The following SLAMF7 variants were observed in gnomAD, a reference collection of about 807,000 sequenced individuals.
The protein encoded by SLAMF7 is 19A24 protein.
A neutral mutation model predicts 34.1 loss-of-function variants in SLAMF7; 26 were observed. That is an observed-to-expected ratio of 0.76 (90% CI 0.56 to 1.06). The LOEUF is 1.06. Ranked by LOEUF, SLAMF7 falls within the 50% of genes least tolerant of loss-of-function variation. The pLI is 0.00. For missense variants in SLAMF7, 399 were observed against 402.5 expected, an observed-to-expected ratio of 0.99 and a Z score of 0.07; for synonymous variants, 171 against 156.4, an observed-to-expected ratio of 1.09 and a Z score of -0.70.
rs1664587748 is a variant in SLAMF7 at position 160,751,556 on chromosome 1, T to C, written c.873+108T>C. ...ATGGGAATGAAGAGGGGAGTGAGGA[T>C]ATATAGACTTAAAACTCAATGCACC... On this transcript the variant is annotated intron_variant, in intron 5 of 6. Coordinates refer to ENST00000368043, the MANE Select transcript of SLAMF7 (RefSeq NM_021181.5). The C allele has an allele frequency of 6.0e-6, 5 of 834,370 alleles. No homozygotes were observed. The Admixed American group carries it at 1.0e-4, about 17-fold the overall frequency. 51.7% of individuals were successfully genotyped at this position (834,370 alleles called of 1,614,324 possible). A position where few individuals can be genotyped will look rare whatever the true frequency, so the allele number is the denominator to read the frequency against.
intron 1 of SLAMF7, among the ~76,000 whole-genome samples, chr1:160,743,626 G>A (rs895819841): frequency 6.6e-6 from 1 of 152,232 alleles, no homozygotes; most frequent in Non-Finnish European, 1.5e-5. Context: ...CAGGTAGAAG[G>A]TTGGCACCTG....
intron 1 of SLAMF7, 115 bp downstream of exon 1, chr1:160,739,471 T>C (rs1663558550): frequency 1.2e-6 from 1 of 845,416 alleles, no homozygotes; most frequent in African/African-American, 1.7e-5. Context: ...TGTTCTCATC[T>C]AACATTTGCT....
At chr1:160,749,597 T>C (rs370033197) in intron 2 of SLAMF7, among the ~76,000 whole-genome samples, 16 of 152,014 alleles carry the variant, frequency 1.1e-4, no homozygotes, top group African/African-American at 3.6e-4. Flanking sequence ...TTATTATTTC[T>C]ATTATTTCTA....
At chr1:160,750,664 C>T (rs1202817468) in intron 4 of SLAMF7, 2 of 400,632 alleles carry the variant, frequency 5.0e-6, no homozygotes, top group Admixed American at 8.5e-5. Context: ...CTTTCCAGGG[C>T]TCACTTCTCT....
At chr1:160,751,715 G>A (rs548542892) in intron 5 of SLAMF7, 14 of 356,002 alleles carry the variant, frequency 3.9e-5, no homozygotes, top group East Asian at 3.7e-4. Context: ...AGTTCATAAC[G>A]GCCACACAAA....
upstream of SLAMF7, chr1:160,739,082 C>A: frequency 1.7e-6 from 1 of 587,842 alleles, no homozygotes. Context: ...TGGGAATATA[C>A]CAAATGCTGA....
intron 1 of SLAMF7, 51 bp downstream of exon 1, chr1:160,739,407 AG>A (rs1487211456): frequency 6.5e-7 from 1 of 1,527,068 alleles, no homozygotes; most frequent in Non-Finnish European, 8.9e-7. Context: ...CATCCTGAAT[AG>A]TTCCAGGTTT....
At chr1:160,739,982 G>A (rs914170139) in intron 1 of SLAMF7, among the ~76,000 whole-genome samples, 1 of 151,992 alleles carries the variant, frequency 6.6e-6, no homozygotes, top group African/African-American at 2.4e-5. Context: ...TATCCTAAGG[G>A]CTCTCAGAAA....
At chr1:160,743,762 C>T (rs1337299558) in intron 1 of SLAMF7, among the ~76,000 whole-genome samples, 1 of 152,204 alleles carries the variant, frequency 6.6e-6, no homozygotes, top group Non-Finnish European at 1.5e-5. Flanking sequence ...GATCACGGCT[C>T]ACTGCAGCCT....
intron 5 of SLAMF7, chr1:160,751,655 G>A: frequency 1.9e-6 from 1 of 513,734 alleles, no homozygotes; most frequent in Non-Finnish European, 3.5e-6. Context: ...ACCTGGTTCT[G>A]ACTCACAATG....
chr1:160,751,249 G>A, intron 4 of SLAMF7, 96 bp from the exon 5 acceptor site: 1 of 856,688 alleles, frequency 1.2e-6, no homozygotes, highest in Non-Finnish European at 1.9e-6. Flanking sequence ...CGGCTGGTTG[G>A]TCACCCTAAG....
chr1:160,748,149 A>G lies in SLAMF7; in HGVS notation c.56-45A>G, dbSNP rs113987599. 156 of 1,582,942 alleles carry G rather than the reference A, an allele frequency of 9.9e-5. No homozygotes were observed. In the African/African-American group the frequency reaches 1.3e-3, roughly 13 times the overall value. On this transcript the variant is annotated intron_variant, in intron 1 of 6. Coordinates refer to ENST00000368043, the MANE Select transcript of SLAMF7 (RefSeq NM_021181.5). Reference sequence around the variant, plus strand: ...CCAAAGGGGGTGAGTAATTGGTGACAAGGACAGGGAATCAGGCTTATTTTA... The same window carrying G: ...CCAAAGGGGGTGAGTAATTGGTGACGAGGACAGGGAATCAGGCTTATTTTA...
intron 1 of SLAMF7, 52 bp downstream of exon 1, chr1:160,739,408 G>C: frequency 6.6e-7 from 1 of 1,523,560 alleles, no homozygotes; most frequent in Non-Finnish European, 9.0e-7. Flanking sequence ...ATCCTGAATA[G>C]TTCCAGGTTT....
chr1:160,750,417 C>A lies in SLAMF7; in HGVS notation c.763C>A (p.Gln255Lys), dbSNP rs768547449. 37 of 1,613,414 alleles carry A rather than the reference C, an allele frequency of 2.3e-5. No homozygotes were observed. The highest frequency in any genetic ancestry group is 3.3e-5 in the South Asian group (3 of 90,996). ...TCTTTGGTTTCTGAAGAGAGAGAGA[C>A]AAGAAGGTAGAGCGTGTACTATTTT... Reference protein sequence around the residue: ...LFLWFLKRERQEEYIEEKKRV... With the variant: ...LFLWFLKRERKEEYIEEKKRV... Residue 255 changes from glutamine to lysine, a missense_variant, in exon 4 of 7, where the codon CAA becomes AAA. Coordinates refer to ENST00000368043, the MANE Select transcript of SLAMF7 (RefSeq NM_021181.5).
intron 1 of SLAMF7, among the ~76,000 whole-genome samples, chr1:160,743,877 C>G (rs753850920): frequency 5.3e-5 from 8 of 152,160 alleles, no homozygotes; most frequent in African/African-American, 1.9e-4. Context: ...TTTGTAAAGA[C>G]AAGGTCTGGC....
intron 6 of SLAMF7, 101 bp downstream of exon 6, chr1:160,752,349 T>C: frequency 1.1e-6 from 1 of 884,740 alleles, no homozygotes; most frequent in Non-Finnish European, 1.8e-6. Context: ...TCATACTCTC[T>C]AGAATTAAAA....
rs746748844 is a variant in SLAMF7 at position 160,750,411 on chromosome 1, G to A, written c.757G>A (p.Glu253Lys). ...LGLFLWFLKRERQEEYIEEKK... is the reference protein window; with the variant it reads ...LGLFLWFLKRKRQEEYIEEKK... ...GCTATTTCTTTGGTTTCTGAAGAGA[G>A]AGAGACAAGAAGGTAGAGCGTGTAC... Residue 253 changes from glutamate (E) to lysine (K), a missense_variant, in exon 4 of 7, where the codon GAG (glutamate) becomes AAG (lysine). Physicochemically the swap from Glu to Lys is moderately conservative, Grantham distance 56 (BLOSUM62 1). Transcript: ENST00000368043. 1 of 1,613,836 alleles carries A rather than the reference G, an allele frequency of 6.2e-7. No individual in the cohort carries two copies. Among genetic ancestry groups the A allele is most frequent in the East Asian group, 2.2e-5 (1 of 44,880 alleles).
chr1:160,739,340 C>A lies in SLAMF7; in HGVS notation c.39C>A (p.Ile13=). 6.2e-7 allele frequency: 1 copy of A among 1,613,728 alleles called. No homozygotes were observed. Among genetic ancestry groups the A allele is most frequent in the South Asian group, 1.1e-5 (1 of 91,044 alleles). ...CAACATGCCTCACCCTCATCTATAT[C>A]CTTTGGCAGCTCACAGGTGAGTCCG... The part of the protein sequence containing the change: ...GSPTCLTLIY[I]LWQLTGSAAS... The change falls in exon 1 of 7, where the codon ATC becomes ATA. Residue 13 remains isoleucine (I), a synonymous_variant. Coordinates refer to ENST00000368043, the MANE Select transcript of SLAMF7 (RefSeq NM_021181.5).
At position 160,748,795 on chromosome 1, in the gene SLAMF7, C is replaced by T. The variant is rs186256344; in HGVS notation, c.376+281C>T. On this transcript the variant is annotated intron_variant, in intron 2 of 6. Coordinates refer to ENST00000368043, the MANE Select transcript of SLAMF7 (RefSeq NM_021181.5). Reference sequence around the variant, plus strand: ...CTTTATTTAGTCACATGACCTTAGCCGAGTTATTTAATTTCTTCAAGTCTT... The same window carrying T: ...CTTTATTTAGTCACATGACCTTAGCTGAGTTATTTAATTTCTTCAAGTCTT... Among the ~76,000 whole-genome samples, 30 of 152,176 alleles carry T rather than the reference C, an allele frequency of 2.0e-4. 1 individual carries two copies. Among genetic ancestry groups the T allele is most frequent in the East Asian group, 1.2e-3 (6 of 5,182 alleles).
Sources: gnomAD v4.1 joint callset for allele counts (sites outside exome capture counted in the v4.1 genomes callset) on GRCh38, gnomAD v4.1.1 for gene constraint, MANE v1.5 for transcripts, NCBI Gene and HGNC (gene_info 2026-07-23, HGNC 2026-07-21) for gene names.